FER1L6: variants seen among roughly 807,000 people sequenced by gnomAD.
FER1L6 encodes the protein fer-1 like family member 6.
Under a neutral mutation model 219.2 loss-of-function variants are expected in FER1L6, and 177 were observed. That is an observed-to-expected ratio of 0.81 (90% CI 0.71 to 0.91). The LOEUF (loss-of-function observed/expected upper bound fraction) is 0.91. Among genes scored for constraint, FER1L6 ranks in the 40% least tolerant of loss-of-function variants. FER1L6 has a pLI of 0.00. For synonymous variants in FER1L6, 768 were observed against 824.3 expected, an observed-to-expected ratio of 0.93 and a Z score of 1.17; for missense variants, 2,153 against 2,259.9, an observed-to-expected ratio of 0.95 and a Z score of 0.96.
At chr8:123,971,024 G>A (rs1297569540) in intron 6 of FER1L6, among the ~76,000 whole-genome samples, 2 of 152,180 alleles carry the variant, frequency 1.3e-5, no homozygotes, top group Admixed American at 6.5e-5. Flanking sequence ...CCTACTTCAT[G>A]TGTCAGTGTA....
intron 1 of FER1L6, among the ~76,000 whole-genome samples, chr8:123,932,035 T>C: frequency 6.6e-6 from 1 of 152,224 alleles, no homozygotes. Context: ...CTCAGAACCA[T>C]CTCAGTCAAC....
At chr8:123,889,942 A>T (rs1352216735) in intron 1 of FER1L6, among the ~76,000 whole-genome samples, 1 of 152,156 alleles carries the variant, frequency 6.6e-6, no homozygotes, top group African/African-American at 2.4e-5. Context: ...GCACATTCAG[A>T]GAAAACAAAG....
chr8:123,967,589 T>C (rs1815611025), intron 5 of FER1L6, among the ~76,000 whole-genome samples: 2 of 152,228 alleles, frequency 1.3e-5, no homozygotes, highest in South Asian at 4.1e-4. Context: ...AAATGAACAG[T>C]GCACAGGAGC....
At chr8:123,914,277 G>A (rs961049092) in intron 1 of FER1L6, among the ~76,000 whole-genome samples, 9 of 152,174 alleles carry the variant, frequency 5.9e-5, no homozygotes, top group Admixed American at 1.3e-4. Context: ...CTTGACATGA[G>A]ATGGTCTTAT....
intron 1 of FER1L6, among the ~76,000 whole-genome samples, chr8:123,888,355 A>G (rs1817242768): frequency 6.6e-6 from 1 of 152,012 alleles, no homozygotes; most frequent in African/African-American, 2.4e-5. Flanking sequence ...GGCCTGTTGC[A>G]ATCCACCTGC....
intron 39 of FER1L6, among the ~76,000 whole-genome samples, chr8:124,103,844 A>C (rs2130993782): frequency 6.6e-6 from 1 of 152,328 alleles, no homozygotes; most frequent in East Asian, 1.9e-4. Flanking sequence ...TCTGTAAGCC[A>C]GCAGGGATGA....
chr8:123,953,230 G>A (rs1814850206), intron 1 of FER1L6, among the ~76,000 whole-genome samples: 1 of 152,222 alleles, frequency 6.6e-6, no homozygotes, highest in Middle Eastern at 3.4e-3. Flanking sequence ...ACAGTTTCAG[G>A]CAAACAACCT....
At chr8:123,927,298 C>T (rs1462870065) in intron 1 of FER1L6, among the ~76,000 whole-genome samples, 4 of 152,056 alleles carry the variant, frequency 2.6e-5, no homozygotes, top group East Asian at 1.9e-4. Context: ...TTGGCTGAAG[C>T]GATTCAGCAA....
chr8:123,945,399 T>C (rs920236650), intron 1 of FER1L6, among the ~76,000 whole-genome samples: 1 of 152,214 alleles, frequency 6.6e-6, no homozygotes, highest in African/African-American at 2.4e-5. Context: ...TTCTGTTGTT[T>C]TGGGGGCCCT....
At chr8:124,112,350 GTGTGGAA>G (rs1212982670) in intron 39 of FER1L6, among the ~76,000 whole-genome samples, 1 of 152,202 alleles carries the variant, frequency 6.6e-6, no homozygotes, top group Non-Finnish European at 1.5e-5. Context: ...ACAGCTTCTA[GTGTGGAA>G]TGTGGAATGT....
At chr8:123,865,120 T>C (rs1816810143) in intron 1 of FER1L6, among the ~76,000 whole-genome samples, 1 of 149,594 alleles carries the variant, frequency 6.7e-6, no homozygotes, top group Admixed American at 6.6e-5. Context: ...TTTTATCTAC[T>C]TTTGGTCTTT....
intron 1 of FER1L6, among the ~76,000 whole-genome samples, chr8:123,944,293 A>G (rs1814387053): frequency 6.7e-6 from 1 of 148,594 alleles, no homozygotes; most frequent in Non-Finnish European, 1.5e-5. Context: ...TATTATATAT[A>G]TTATATATTT....
At chr8:123,880,487 G>A (rs755207061) in intron 1 of FER1L6, among the ~76,000 whole-genome samples, 2 of 152,180 alleles carry the variant, frequency 1.3e-5, no homozygotes, top group East Asian at 3.8e-4. Context: ...TTGCAGAGAA[G>A]AGAACTTACT....
At chr8:123,900,242 T>A (rs1015231921) in intron 1 of FER1L6, among the ~76,000 whole-genome samples, 12 of 151,924 alleles carry the variant, frequency 7.9e-5, no homozygotes, top group African/African-American at 2.9e-4. Context: ...TAAGTATATA[T>A]ATATATTTGC....
chr8:123,989,659 G>A lies in FER1L6; in HGVS notation c.1519+3483G>A, dbSNP rs572603235. Among the ~76,000 whole-genome samples, 4 of 152,160 alleles carry A rather than the reference G, an allele frequency of 2.6e-5. No individual in the cohort carries two copies. The South Asian group carries it at 8.3e-4, about 32-fold the overall frequency. On this transcript the variant is annotated intron_variant, in intron 12 of 40. Transcript: ENST00000522917. ...CTCCTGCTTATAAGTGAGAACATAT[G>A]GTATTTGGTTTTCCATTCCTGAGTT...
At chr8:123,908,487 G>A (rs1672351185) in intron 1 of FER1L6, among the ~76,000 whole-genome samples, 1 of 152,222 alleles carries the variant, frequency 6.6e-6, no homozygotes, top group Non-Finnish European at 1.5e-5. Context: ...AAGACTTTTA[G>A]TAAGAAGTAG....
At chr8:123,880,162 A>G (rs1817081630) in intron 1 of FER1L6, among the ~76,000 whole-genome samples, 1 of 152,088 alleles carries the variant, frequency 6.6e-6, no homozygotes, top group Non-Finnish European at 1.5e-5. Flanking sequence ...TCCCCGACCA[A>G]CTCCCAGTTC....
chr8:123,938,195 T>A (rs1169599092), intron 1 of FER1L6, among the ~76,000 whole-genome samples: 4 of 152,192 alleles, frequency 2.6e-5, no homozygotes, highest in African/African-American at 9.7e-5. Flanking sequence ...GTGACCCTTG[T>A]TTGCTCTTTC....
chr8:123,865,826 G>A (rs1260233794), intron 1 of FER1L6, among the ~76,000 whole-genome samples: 3 of 151,550 alleles, frequency 2.0e-5, no homozygotes, highest in Admixed American at 6.5e-5. Flanking sequence ...GCAATGCCTC[G>A]CCCTGCTTTG....
Sources: gnomAD v4.1 joint callset for allele counts (sites outside exome capture counted in the v4.1 genomes callset) on GRCh38, gnomAD v4.1.1 for gene constraint, MANE v1.5 for transcripts, NCBI Gene and HGNC (gene_info 2026-07-23, HGNC 2026-07-21) for gene names.